GHR: variants seen among roughly 807,000 people sequenced by gnomAD.
GHR encodes the protein growth hormone receptor.
In GHR, 35 loss-of-function variants were observed where a neutral mutation model predicts 67.1. The ratio of observed to expected loss-of-function variants is 0.52; its 90% CI spans 0.40 to 0.69. The LOEUF is 0.69. GHR is among the 30% of genes least tolerant of loss of function. GHR has a pLI of 0.00. For missense variants in GHR, 792 were observed against 764.6 expected, an observed-to-expected ratio of 1.04 and a Z score of -0.42; for synonymous variants, 272 against 269.1, an observed-to-expected ratio of 1.01 and a Z score of -0.10.
intron 1 of GHR, among the ~76,000 whole-genome samples, chr5:42,443,777 G>T (rs1743685555): frequency 6.6e-6 from 1 of 152,082 alleles, no homozygotes; most frequent in Admixed American, 6.6e-5. Context: ...CTTTGCTTGG[G>T]AGGTCAGTCT....
At chr5:42,678,880 CG>C (rs1268879793) in intron 3 of GHR, among the ~76,000 whole-genome samples, 1 of 150,186 alleles carries the variant, frequency 6.7e-6, no homozygotes, top group African/African-American at 2.4e-5. Flanking sequence ...TTTACATGTG[CG>C]TGTGTATATC....
chr5:42,494,197 G>T (rs1300100465), intron 1 of GHR, among the ~76,000 whole-genome samples: 2 of 152,076 alleles, frequency 1.3e-5, no homozygotes, highest in African/African-American at 4.8e-5. Flanking sequence ...TCCAAGATTG[G>T]ATTTTTAGGC....
intron 2 of GHR, among the ~76,000 whole-genome samples, chr5:42,585,196 G>C (rs944446447): frequency 6.6e-6 from 1 of 152,190 alleles, no homozygotes; most frequent in African/African-American, 2.4e-5. Flanking sequence ...GTAGGATCTG[G>C]TTTTCCACTG....
intron 1 of GHR, among the ~76,000 whole-genome samples, chr5:42,492,275 A>C (rs1746147048): frequency 6.6e-6 from 1 of 152,220 alleles, no homozygotes; most frequent in Admixed American, 6.5e-5. Flanking sequence ...TTGGGAAAAA[A>C]TTAGGGCTAA....
At chr5:42,543,128 T>G (rs1046254578) in intron 1 of GHR, among the ~76,000 whole-genome samples, 3 of 152,158 alleles carry the variant, frequency 2.0e-5, no homozygotes, top group South Asian at 2.1e-4. Flanking sequence ...TATAATGACT[T>G]ATTTTCCTTT....
intron 3 of GHR, among the ~76,000 whole-genome samples, chr5:42,663,568 T>G (rs938749621): frequency 2.6e-5 from 4 of 152,186 alleles, no homozygotes; most frequent in Admixed American, 2.0e-4. Flanking sequence ...AAACTCTCAA[T>G]AAATTAGGTA....
chr5:42,459,167 A>G (rs879735384), intron 1 of GHR, among the ~76,000 whole-genome samples: 10 of 152,236 alleles, frequency 6.6e-5, no homozygotes, highest in African/African-American at 2.4e-5. Context: ...ATAAACCCAA[A>G]GGAATATAAA....
chr5:42,474,940 A>G (rs1394250762), intron 1 of GHR, among the ~76,000 whole-genome samples: 2 of 137,994 alleles, frequency 1.4e-5, no homozygotes, highest in East Asian at 2.1e-4. Flanking sequence ...CTGGAGTGCA[A>G]TGGTGCTATC....
At chr5:42,545,870 A>C (rs1471927379) in intron 1 of GHR, among the ~76,000 whole-genome samples, 1 of 152,236 alleles carries the variant, frequency 6.6e-6, no homozygotes, top group African/African-American at 2.4e-5. Flanking sequence ...TTGAGGTAAC[A>C]TGCCTCAGAG....
chr5:42,680,958 A>C (rs1280880992), intron 3 of GHR, among the ~76,000 whole-genome samples: 1 of 152,180 alleles, frequency 6.6e-6, no homozygotes, highest in African/African-American at 2.4e-5. Context: ...TTAAAAATTA[A>C]TTCAAGATGG....
intron 3 of GHR, among the ~76,000 whole-genome samples, chr5:42,639,727 G>A (rs1009592799): frequency 1.7e-4 from 26 of 152,100 alleles, no homozygotes; most frequent in Admixed American, 1.6e-3. Flanking sequence ...TTGAAGTTAT[G>A]CATCTCTTGC....
chr5:42,688,067 T>C (rs1219117092), intron 3 of GHR, among the ~76,000 whole-genome samples: 1 of 152,228 alleles, frequency 6.6e-6, no homozygotes, highest in East Asian at 1.9e-4. Context: ...ATGTATAAGT[T>C]GTTTAGAGTG....
At chr5:42,464,013 A>G (rs954081053) in intron 1 of GHR, among the ~76,000 whole-genome samples, 52 of 128,966 alleles carry the variant, frequency 4.0e-4, no homozygotes, top group African/African-American at 1.3e-3. Flanking sequence ...AAAAAAAAAA[A>G]AAAGAAAAAG....
chr5:42,467,673 G>A (rs781320261), intron 1 of GHR: 261 of 1,600,302 alleles, frequency 1.6e-4, no homozygotes, highest in Non-Finnish European at 2.0e-4. Context: ...GATGCACATC[G>A]AGCTTTGCAC....
At chr5:42,575,846 C>T (rs1750632898) in intron 2 of GHR, among the ~76,000 whole-genome samples, 1 of 151,148 alleles carries the variant, frequency 6.6e-6, no homozygotes, top group African/African-American at 2.4e-5. Flanking sequence ...CCAGCCTGGC[C>T]AACATGGTGA....
At chr5:42,518,814 T>C (rs921174524) in intron 1 of GHR, among the ~76,000 whole-genome samples, 28 of 152,272 alleles carry the variant, frequency 1.8e-4, no homozygotes, top group African/African-American at 6.7e-4. Flanking sequence ...TGAGAAAGAC[T>C]CACTCTTTGG....
chr5:42,438,781 T>TGACACCCAGTGGAGCCTC (rs762934488), intron 1 of GHR, among the ~76,000 whole-genome samples: 1 of 152,098 alleles, frequency 6.6e-6, no homozygotes, highest in Non-Finnish European at 1.5e-5. Context: ...GATGGAGCCT[T>TGACACCCAGTGGAGCCTC]GACACCCAGT....
chr5:42,661,805 CT>C (rs1213094151), intron 3 of GHR, among the ~76,000 whole-genome samples: 2 of 152,162 alleles, frequency 1.3e-5, no homozygotes, highest in African/African-American at 4.8e-5. Context: ...AAGACACAGA[CT>C]GGCAAATTGG....
chr5:42,437,960 ATTCC>A (rs897507889), intron 1 of GHR, among the ~76,000 whole-genome samples: 2 of 152,216 alleles, frequency 1.3e-5, no homozygotes, highest in African/African-American at 4.8e-5. Context: ...CTCTTTAGAA[ATTCC>A]TCTGATTTCT....
Sources: allele counts gnomAD v4.1 joint callset (sites outside exome capture counted in the v4.1 genomes callset), GRCh38; gene constraint gnomAD v4.1.1; transcripts MANE v1.5; gene names NCBI Gene and HGNC (gene_info 2026-07-23, HGNC 2026-07-21).